The following SCARA5 variants were observed in gnomAD, a reference collection of about 807,000 sequenced individuals.
SCARA5 encodes scavenger receptor class A, member 5 (putative).
A neutral mutation model predicts 46.3 loss-of-function variants in SCARA5; 45 were observed. That is an observed-to-expected ratio of 0.97 (90% CI 0.76 to 1.24). The LOEUF (loss-of-function observed/expected upper bound fraction) is 1.24, where lower values mean the gene tolerates loss of function less well. Among genes scored for constraint, SCARA5 ranks in the 50% most tolerant of loss-of-function variants. SCARA5 has a pLI of 0.00. For missense variants in SCARA5, 680 were observed against 689.0 expected (o/e 0.99, Z 0.15); for synonymous variants, 333 against 306.5 (o/e 1.09, Z -0.90).
chr8:27,921,465 G>A, intron 4 of SCARA5, 106 bp downstream of exon 4: 1 of 933,182 alleles, frequency 1.1e-6, no homozygotes, highest in Non-Finnish European at 1.5e-6. Context: ...GTGCACTTGG[G>A]GATGGGGTGG....
Position 27,922,168 on chromosome 8 carries a change from C to A in SCARA5, c.319G>T (p.Asp107Tyr). The A allele has an allele frequency of 6.2e-7, 1 of 1,607,064 alleles. No homozygotes were observed. The highest frequency in any genetic ancestry group is 8.5e-7 in the Non-Finnish European group (1 of 1,177,622). Residue 107 changes from aspartate (D) to tyrosine (Y), a missense_variant, in exon 4 of 9, where the codon GAC becomes TAC. Coordinates refer to ENST00000354914, the MANE Select transcript of SCARA5 (RefSeq NM_173833.6). Reference sequence around the variant, plus strand: ...GCCTGCAGCAGCCGCAGCTGCAAGTCCCGGAAGCTCTCATTCAGCCGGTTC... The same window carrying A: ...GCCTGCAGCAGCCGCAGCTGCAAGTACCGGAAGCTCTCATTCAGCCGGTTC... ...NVNRLNESFR[D>Y]LQLRLLQAPL...
At position 27,882,725 on chromosome 8, in the gene SCARA5, G is replaced by A. The variant is rs142753715; in HGVS notation, c.1154-2959C>T. On this transcript the variant is annotated intron_variant, in intron 7 of 8. Transcript: ENST00000354914. ...TGAGATGCCACCTGTTGTAATGGGCGCCTGTTTTATATGCCACTAAGAAGG... is the reference window on the plus strand; with the variant it reads ...TGAGATGCCACCTGTTGTAATGGGCACCTGTTTTATATGCCACTAAGAAGG... 3.9e-4 allele frequency among the ~76,000 whole-genome samples: 59 copies of A among 152,270 alleles called. 1 individual carries two copies. The highest frequency in any genetic ancestry group is 2.6e-3 in the Admixed American group (39 of 15,294).
At chr8:27,925,833 C>T (rs890849405) in intron 3 of SCARA5, among the ~76,000 whole-genome samples, 10 of 152,258 alleles carry the variant, frequency 6.6e-5, no homozygotes, top group African/African-American at 2.4e-4. Flanking sequence ...ATGCAGCCAA[C>T]AGACAGGTGA....
intron 7 of SCARA5, among the ~76,000 whole-genome samples, chr8:27,900,462 C>T (rs536006844): frequency 1.3e-5 from 2 of 152,350 alleles, no homozygotes; most frequent in African/African-American, 2.4e-5. Flanking sequence ...CCCAGACTTA[C>T]TTCCCTAAAT....
intron 3 of SCARA5, among the ~76,000 whole-genome samples, chr8:27,937,222 G>A (rs906441362): frequency 2.0e-5 from 3 of 152,186 alleles, no homozygotes; most frequent in Non-Finnish European, 4.4e-5. Context: ...AGTTCCAGGA[G>A]GTGTAACCCG....
chr8:27,989,089 G>A (rs1307209452), intron 1 of SCARA5, among the ~76,000 whole-genome samples: 4 of 143,340 alleles, frequency 2.8e-5, no homozygotes, highest in Non-Finnish European at 6.1e-5. Flanking sequence ...CAAGAATTCC[G>A]TATTTTCTTT....
chr8:27,909,562 C>G, intron 5 of SCARA5, 101 bp downstream of exon 5: 1 of 780,434 alleles, frequency 1.3e-6, no homozygotes, highest in African/African-American at 1.7e-5. Context: ...GTTGATTGGG[C>G]ACTCCCCTGG....
chr8:27,909,778 C>G, intron 4 of SCARA5, 35 bp from the exon 5 acceptor site: 1 of 1,461,212 alleles, frequency 6.8e-7, no homozygotes, highest in Non-Finnish European at 9.4e-7. Flanking sequence ...GGTTAGGGGG[C>G]TCCCTTCTGA....
At chr8:27,987,730 G>A (rs1017975895) in intron 1 of SCARA5, 100 bp from the exon 2 acceptor site, 3 of 714,774 alleles carry the variant, frequency 4.2e-6, no homozygotes, top group African/African-American at 3.5e-5. Flanking sequence ...ATAGAACAAG[G>A]TGCCCACCCC....
chr8:27,965,144 C>G (rs1808349155), intron 3 of SCARA5, among the ~76,000 whole-genome samples: 1 of 152,204 alleles, frequency 6.6e-6, no homozygotes, highest in Admixed American at 6.5e-5. Flanking sequence ...AGACTCCACC[C>G]CAATGTCTTT....
intron 3 of SCARA5, among the ~76,000 whole-genome samples, chr8:27,953,860 A>T (rs907289262): frequency 2.5e-4 from 38 of 151,924 alleles, no homozygotes; most frequent in African/African-American, 5.3e-4. Flanking sequence ...TTTTTTTTTT[A>T]AATTGGCAGA....
chr8:27,947,709 A>G (rs916035536), intron 3 of SCARA5, among the ~76,000 whole-genome samples: 3 of 63,970 alleles, frequency 4.7e-5, no homozygotes, highest in African/African-American at 1.8e-4. Context: ...TGTCTCTACT[A>G]AAAAAAAAAA....
chr8:27,986,768 T>C (rs1488231128), intron 2 of SCARA5, among the ~76,000 whole-genome samples: 3 of 152,232 alleles, frequency 2.0e-5, no homozygotes, highest in Non-Finnish European at 4.4e-5. Flanking sequence ...GGAAAAGGCC[T>C]GTCTCTCCTT....
intron 2 of SCARA5, among the ~76,000 whole-genome samples, chr8:27,986,263 C>T (rs747156310): frequency 6.6e-6 from 1 of 152,208 alleles, no homozygotes; most frequent in Non-Finnish European, 1.5e-5. Flanking sequence ...ATATCTTTCC[C>T]ACATCTTCTC....
chr8:27,936,693 C>G (rs1166605545), intron 3 of SCARA5, among the ~76,000 whole-genome samples: 1 of 150,180 alleles, frequency 6.7e-6, no homozygotes, highest in African/African-American at 2.4e-5. Context: ...CTGTCTCTGG[C>G]ACACTGGTGA....
intron 3 of SCARA5, among the ~76,000 whole-genome samples, chr8:27,948,875 A>G (rs934764600): frequency 2.0e-5 from 3 of 152,254 alleles, no homozygotes; most frequent in African/African-American, 7.2e-5. Context: ...TTTGCTTTGT[A>G]ATTTGCAATG....
At position 27,904,789 on chromosome 8, in the gene SCARA5, G is replaced by A; in HGVS notation, c.1142C>T (p.Ala381Val). 1 of 1,613,880 alleles carries A rather than the reference G, an allele frequency of 6.2e-7. No homozygotes were observed. The highest frequency in any genetic ancestry group is 8.5e-7 in the Non-Finnish European group (1 of 1,179,792). ...KGEKGEKGDR[A>V]GDASGVEAPM... Reference sequence around the variant, plus strand: ...CAGAATGTCCTTACTGGCATCCCCAGCTCTGTCTCCTTTCTCTCCTTTCTC... The same window carrying A: ...CAGAATGTCCTTACTGGCATCCCCAACTCTGTCTCCTTTCTCTCCTTTCTC... Residue 381 changes from alanine to valine, a missense_variant, in exon 7 of 9, where the codon GCT (alanine) becomes GTT (valine). By Grantham distance (64) the Ala-to-Val change is moderately conservative (BLOSUM62 0). This residue lies in a region of SCARA5 where 219 missense variants were observed against 269.5 expected (regional missense o/e 0.81). Coordinates refer to ENST00000354914, the MANE Select transcript of SCARA5 (RefSeq NM_173833.6).
intron 8 of SCARA5, among the ~76,000 whole-genome samples, chr8:27,879,089 T>A (rs1461173898): frequency 6.6e-6 from 1 of 152,056 alleles, no homozygotes; most frequent in Non-Finnish European, 1.5e-5. Context: ...GTTTCCCTCC[T>A]TGAAAAAAGA....
At chr8:27,891,210 G>GT (rs34929949) in intron 7 of SCARA5, among the ~76,000 whole-genome samples, 10 of 66,014 alleles carry the variant, frequency 1.5e-4, no homozygotes, top group African/African-American at 4.0e-4. Flanking sequence ...TTTTTTTTTT[G>GT]TTTTTTTTTT....
Sources: gnomAD v4.1 joint callset for allele counts (sites outside exome capture counted in the v4.1 genomes callset) on GRCh38, gnomAD v4.1.1 for gene constraint, gnomAD v4.1.1 regional missense constraint, MANE v1.5 for transcripts, NCBI Gene and HGNC (gene_info 2026-07-23, HGNC 2026-07-21) for gene names.